PSMA8: variants seen among roughly 807,000 people sequenced by gnomAD.
PSMA8 encodes proteasome 20S subunit alpha 8, also known as proteasome subunit alpha-type 8.
PSMA8 carries 18 observed loss-of-function variants against 32.4 expected under a neutral mutation model. That is an observed-to-expected ratio of 0.56 (90% CI 0.38 to 0.82). The LOEUF (loss-of-function observed/expected upper bound fraction) is 0.82, where lower values mean the gene tolerates loss of function less well. Among genes scored for constraint, PSMA8 ranks in the 40% least tolerant of loss-of-function variants. The pLI, the probability that PSMA8 is intolerant of heterozygous loss-of-function variation, is 0.00. For missense variants in PSMA8, 298 were observed against 300.7 expected, an observed-to-expected ratio of 0.99 and a Z score of 0.07; for synonymous variants, 104 against 98.1, an observed-to-expected ratio of 1.06 and a Z score of -0.36.
intron 2 of PSMA8, among the ~76,000 whole-genome samples, chr18:26,149,210 A>G (rs2055026437): frequency 6.6e-6 from 1 of 152,206 alleles, no homozygotes; most frequent in African/African-American, 2.4e-5. Context: ...TTCCATGTCA[A>G]TAGCATCAAA....
intron 6 of PSMA8, among the ~76,000 whole-genome samples, chr18:26,180,125 C>T (rs1232769923): frequency 6.6e-6 from 1 of 151,948 alleles, no homozygotes; most frequent in Non-Finnish European, 1.5e-5. Flanking sequence ...TGGTGGCAGA[C>T]GCCTGTGATC....
chr18:26,141,573 G>A (rs554922723), intron 1 of PSMA8, among the ~76,000 whole-genome samples: 1 of 152,184 alleles, frequency 6.6e-6, no homozygotes, highest in East Asian at 1.9e-4. Context: ...CATTTGATGA[G>A]GATAGGATAG....
At chr18:26,138,004 G>A (rs997084743) in intron 1 of PSMA8, among the ~76,000 whole-genome samples, 2 of 152,176 alleles carry the variant, frequency 1.3e-5, no homozygotes, top group Non-Finnish European at 2.9e-5. Context: ...GCTATGTTCT[G>A]TCAACTGAAA....
At chr18:26,144,720 C>G (rs1211623632) in intron 2 of PSMA8, 35 bp downstream of exon 2, 1 of 1,607,062 alleles carries the variant, frequency 6.2e-7, no homozygotes, top group Non-Finnish European at 8.5e-7. Context: ...TGCATAGTGT[C>G]TTACTGTAGT....
At chr18:26,188,666 T>C (rs894878529) in intron 6 of PSMA8, among the ~76,000 whole-genome samples, 5 of 151,998 alleles carry the variant, frequency 3.3e-5, no homozygotes, top group African/African-American at 1.2e-4. Flanking sequence ...TTAAACAAAA[T>C]GGAGATCCCA....
intron 2 of PSMA8, among the ~76,000 whole-genome samples, chr18:26,145,860 C>A (rs2054998690): frequency 6.6e-6 from 1 of 152,068 alleles, no homozygotes; most frequent in Non-Finnish European, 1.5e-5. Context: ...GATTTCATTT[C>A]TCTGGGACAA....
At chr18:26,178,076 A>G (rs938744698) in intron 4 of PSMA8, among the ~76,000 whole-genome samples, 4 of 152,142 alleles carry the variant, frequency 2.6e-5, no homozygotes, top group Non-Finnish European at 4.4e-5. Flanking sequence ...AAATTAGCCA[A>G]GTGTGGTGCC....
chr18:26,141,923 T>A (rs996171162), intron 1 of PSMA8, among the ~76,000 whole-genome samples: 1 of 151,798 alleles, frequency 6.6e-6, no homozygotes, highest in African/African-American at 2.4e-5. Context: ...TGGAATCAAG[T>A]AATCCTCCCA....
At chr18:26,153,513 A>G (rs1378770930) in intron 3 of PSMA8, among the ~76,000 whole-genome samples, 1 of 152,122 alleles carries the variant, frequency 6.6e-6, no homozygotes, top group Non-Finnish European at 1.5e-5. Flanking sequence ...TTGTTCTTTT[A>G]TTTTGCAAAT....
chr18:26,137,491 G>A (rs1398582667), intron 1 of PSMA8, among the ~76,000 whole-genome samples: 1 of 152,166 alleles, frequency 6.6e-6, no homozygotes, highest in African/African-American at 2.4e-5. Context: ...GAGAGTTGAT[G>A]TGAAAGTTGA....
intron 1 of PSMA8, among the ~76,000 whole-genome samples, chr18:26,143,982 A>G (rs978885305): frequency 1.3e-5 from 2 of 152,112 alleles, no homozygotes; most frequent in Non-Finnish European, 2.9e-5. Context: ...TCAGCCTCCC[A>G]AAGTGCTAGG....
At chr18:26,163,367 C>T (rs2055154634) in intron 4 of PSMA8, among the ~76,000 whole-genome samples, 1 of 150,642 alleles carries the variant, frequency 6.6e-6, no homozygotes, top group African/African-American at 2.4e-5. Context: ...TGAACAGAGA[C>T]CTGAAGAAAG....
intron 4 of PSMA8, among the ~76,000 whole-genome samples, chr18:26,165,815 GC>G (rs1159859449): frequency 1.3e-5 from 2 of 152,112 alleles, no homozygotes; most frequent in African/African-American, 4.8e-5. Flanking sequence ...AAAAACTACG[GC>G]CAGGCGTGGT....
In PSMA8 at chr18:26,163,219, A is replaced by AATATATATATAT. The variant is rs1568062637; in HGVS notation, c.477+4975_477+4976insATATATATATAT. Reference sequence around the variant, plus strand: ...TGTGTGTTTATGTGTGTGTGTATATATATATATATATATATATATATATAT... The same window carrying AATATATATATAT: ...TGTGTGTTTATGTGTGTGTGTATATAATATATATATATTATATATATATATATATATATATAT... On this transcript the variant is annotated intron_variant, in intron 4 of 6. Coordinates refer to ENST00000415576, the MANE Select transcript of PSMA8 (RefSeq NM_001025096.2). Among the ~76,000 whole-genome samples, 19 of 13,544 alleles carry AATATATATATAT rather than the reference A, an allele frequency of 1.4e-3. 1 individual carries two copies. The highest frequency in any genetic ancestry group is 3.1e-3 in the African/African-American group (19 of 6,212). 8.9% of individuals were successfully genotyped at this position (13,544 alleles called of 152,430 possible).
chr18:26,145,783 C>A (rs1260230524), intron 2 of PSMA8, among the ~76,000 whole-genome samples: 1 of 152,052 alleles, frequency 6.6e-6, no homozygotes, highest in Non-Finnish European at 1.5e-5. Flanking sequence ...TGGGTTATTT[C>A]CAATTTTTGA....
chr18:26,173,353 T>A (rs1227436788), intron 4 of PSMA8, among the ~76,000 whole-genome samples: 1 of 152,196 alleles, frequency 6.6e-6, no homozygotes, highest in East Asian at 1.9e-4. Context: ...ATGGCTACCA[T>A]CCTCACCCTC....
intron 4 of PSMA8, among the ~76,000 whole-genome samples, chr18:26,164,116 T>A (rs1317550137): frequency 6.6e-6 from 1 of 152,132 alleles, no homozygotes; most frequent in African/African-American, 2.4e-5. Flanking sequence ...CAAGAACAGT[T>A]TGGATGGAGT....
At chr18:26,159,913 AT>A (rs2144310185) in intron 4 of PSMA8, among the ~76,000 whole-genome samples, 2 of 152,060 alleles carry the variant, frequency 1.3e-5, no homozygotes, top group East Asian at 3.9e-4. Flanking sequence ...TTTAAAAAAA[AT>A]CATCTTTAAC....
At chr18:26,190,859 T>A (rs2055396934) in intron 6 of PSMA8, among the ~76,000 whole-genome samples, 1 of 152,252 alleles carries the variant, frequency 6.6e-6, no homozygotes, top group African/African-American at 2.4e-5. Context: ...TCTATTTATA[T>A]GCCAGTTTTT....
Sources: gnomAD v4.1 joint callset for allele counts (sites outside exome capture counted in the v4.1 genomes callset) on GRCh38, gnomAD v4.1.1 for gene constraint, MANE v1.5 for transcripts, NCBI Gene and HGNC (gene_info 2026-07-23, HGNC 2026-07-21) for gene names.